Variants in COL6A5 observed in about 807,000 individuals in gnomAD.
COL6A5 encodes the protein collagen type VI alpha 5 chain, also known as collagen alpha-5(VI) chain.
COL6A5 carries 48 observed loss-of-function variants against 65.6 expected under a neutral mutation model. The ratio of observed to expected loss-of-function variants is 0.73; its 90% CI spans 0.58 to 0.93. COL6A5 has a LOEUF of 0.93. Ranked by LOEUF, COL6A5 falls within the 40% of genes least tolerant of loss-of-function variation. The probability of loss-of-function intolerance (pLI) is 0.00; values close to 1 mark genes in which losing one functional copy is unlikely to be tolerated. For synonymous variants in COL6A5, 291 were observed against 322.8 expected (o/e 0.90, Z 1.05); for missense variants, 914 against 928.3 (o/e 0.98, Z 0.20).
upstream of COL6A5, among the ~76,000 whole-genome samples, chr3:130,430,171 T>G (rs1937742801): frequency 6.6e-6 from 1 of 152,178 alleles, no homozygotes; most frequent in South Asian, 2.1e-4. Context: ...CTCAGGGTCT[T>G]TAAGCTCGGT....
At chr3:130,380,108 C>A in intron 4 of COL6A5, 58 bp downstream of exon 4, 1 of 1,239,722 alleles carries the variant, frequency 8.1e-7, no homozygotes, top group Non-Finnish European at 1.1e-6. Flanking sequence ...TTACCTAGGA[C>A]TAGGGTGGGA....
chr3:130,466,824 CA>C (rs1709829980), intron 5 of COL6A5, among the ~76,000 whole-genome samples: 1 of 151,898 alleles, frequency 6.6e-6, no homozygotes, highest in African/African-American at 2.4e-5. Flanking sequence ...ATATTATGAA[CA>C]ATCTTTTGCA....
chr3:130,460,532 A>G (rs1315737762), intron 5 of COL6A5, among the ~76,000 whole-genome samples: 3 of 152,108 alleles, frequency 2.0e-5, no homozygotes, highest in African/African-American at 7.2e-5. Context: ...TGAATGTTCT[A>G]GAGTGTTGGT....
At chr3:130,469,331 T>G (rs1039131375) in exon 6 of COL6A5, 1 of 1,612,838 alleles carries the variant, frequency 6.2e-7, no homozygotes, top group African/African-American at 1.3e-5. Context: ...CATATTTGTG[T>G]TTTCCTTTGG....
intron 4 of COL6A5, among the ~76,000 whole-genome samples, chr3:130,452,351 A>AT (rs35312437): frequency 0.83 from 126,009 of 151,926 alleles, 53,906 homozygotes; most frequent in Non-Finnish European, 0.93. Context: ...CACCCCTGAT[A>AT]TTCATGTAGG....
chr3:130,434,669 G>T (rs1047885624), intron 1 of COL6A5, among the ~76,000 whole-genome samples: 1 of 152,064 alleles, frequency 6.6e-6, no homozygotes, highest in African/African-American at 2.4e-5. Context: ...GTTTTGATTT[G>T]CATTTCTCTA....
intron 8 of COL6A5, among the ~76,000 whole-genome samples, chr3:130,396,926 G>A (rs1363442781): frequency 6.6e-6 from 1 of 152,050 alleles, no homozygotes; most frequent in African/African-American, 2.4e-5. Context: ...GCAGTGGCAC[G>A]ATCTCGGCTC....
intron 10 of COL6A5, among the ~76,000 whole-genome samples, chr3:130,400,827 G>A (rs749487608): frequency 2.0e-5 from 3 of 152,282 alleles, no homozygotes; most frequent in Non-Finnish European, 4.4e-5. Context: ...CGACGGTCAG[G>A]GACCAGAGCT....
At chr3:130,462,582 T>G (rs1709726005) in intron 5 of COL6A5, among the ~76,000 whole-genome samples, 1 of 152,102 alleles carries the variant, frequency 6.6e-6, no homozygotes. Flanking sequence ...TGTAGTATAT[T>G]GTTACATATA....
chr3:130,459,884 A>G (rs945943682), intron 5 of COL6A5, among the ~76,000 whole-genome samples: 1 of 152,026 alleles, frequency 6.6e-6, no homozygotes, highest in Non-Finnish European at 1.5e-5. Context: ...ATTTAATTGC[A>G]TATCCTGCTT....
chr3:130,374,344 GGT>G (rs1935683298), intron 2 of COL6A5, among the ~76,000 whole-genome samples: 1 of 152,090 alleles, frequency 6.6e-6, no homozygotes, highest in Non-Finnish European at 1.5e-5. Flanking sequence ...ATAATACAAT[GGT>G]AAGGAGTTAT....
At chr3:130,442,727 G>A (rs1276963592) in intron 3 of COL6A5, among the ~76,000 whole-genome samples, 1 of 152,136 alleles carries the variant, frequency 6.6e-6, no homozygotes, top group Admixed American at 6.5e-5. Flanking sequence ...AACAGTAAGT[G>A]TCAGATGCAA....
intron 5 of COL6A5, among the ~76,000 whole-genome samples, chr3:130,466,274 C>T (rs1051116332): frequency 6.6e-6 from 1 of 151,994 alleles, no homozygotes; most frequent in Non-Finnish European, 1.5e-5. Context: ...AATGTGTTCT[C>T]TGACTGAAAC....
At chr3:130,449,011 G>A (rs540169292) in intron 4 of COL6A5, among the ~76,000 whole-genome samples, 6 of 152,238 alleles carry the variant, frequency 3.9e-5, no homozygotes, top group East Asian at 1.9e-4. Context: ...GTTACCATCC[G>A]CCATTTGCCT....
At chr3:130,410,414 T>G in intron 19 of COL6A5, 57 bp from the exon 20 acceptor site, 1 of 1,316,214 alleles carries the variant, frequency 7.6e-7, no homozygotes, top group Admixed American at 2.0e-5. Context: ...GCTGATGCCT[T>G]TGTGATTTAT....
chr3:130,416,631 TG>T, intron 23 of COL6A5, 125 bp from the exon 24 acceptor site: 1 of 663,278 alleles, frequency 1.5e-6, no homozygotes. Context: ...CCTGGGTGGC[TG>T]GATCTTTTGT....
intron 5 of COL6A5, among the ~76,000 whole-genome samples, chr3:130,386,862 A>G (rs1936206456): frequency 6.6e-6 from 1 of 152,034 alleles, no homozygotes; most frequent in African/African-American, 2.4e-5. Flanking sequence ...CAGGAAAACA[A>G]AGGAGCCAAA....
intron 14 of COL6A5, 106 bp downstream of exon 14, chr3:130,405,765 CT>C: frequency 9.9e-7 from 1 of 1,007,610 alleles, no homozygotes; most frequent in Non-Finnish European, 1.5e-6. Flanking sequence ...ACTCCTCTCT[CT>C]TTTCCTTTCT....
chr3:130,453,162 A>G (rs1387475928), intron 4 of COL6A5, among the ~76,000 whole-genome samples: 1 of 152,168 alleles, frequency 6.6e-6, no homozygotes, highest in African/African-American at 2.4e-5. Flanking sequence ...ACGAGATGAC[A>G]GGATTAAGAG....
Sources: allele counts gnomAD v4.1 joint callset (sites outside exome capture counted in the v4.1 genomes callset), GRCh38; gene constraint gnomAD v4.1.1; transcripts MANE v1.5; gene names NCBI Gene and HGNC (gene_info 2026-07-23, HGNC 2026-07-21).